Variants in MTMR7 observed in about 807,000 individuals in gnomAD.
MTMR7 encodes the protein myotubularin related protein 7, also known as phosphatidylinositol-3-phosphate phosphatase MTMR7.
In MTMR7, 76 loss-of-function variants were observed where a neutral mutation model predicts 81.2. The observed-to-expected ratio is 0.94, with a 90% confidence interval of 0.78 to 1.13. The LOEUF (loss-of-function observed/expected upper bound fraction) is 1.13, where lower values mean the gene tolerates loss of function less well. Ranked by LOEUF, MTMR7 falls within the 50% of genes most tolerant of loss-of-function variation. MTMR7 has a pLI of 0.00. For synonymous variants in MTMR7, 372 were observed against 289.8 expected, an observed-to-expected ratio of 1.28 and a Z score of -2.88; for missense variants, 1,044 against 820.0, an observed-to-expected ratio of 1.27 and a Z score of -3.34.
intron 5 of MTMR7, among the ~76,000 whole-genome samples, chr8:17,342,965 G>A (rs1307953030): frequency 6.6e-6 from 1 of 151,996 alleles, no homozygotes; most frequent in African/African-American, 2.4e-5. Context: ...CAAGCAGAAG[G>A]CAAGCTATGT....
chr8:17,395,371 T>C (rs528014375), intron 1 of MTMR7, among the ~76,000 whole-genome samples: 6 of 152,340 alleles, frequency 3.9e-5, no homozygotes, highest in East Asian at 1.9e-4. Context: ...ATAATGCAGC[T>C]ATGAACATGG....
chr8:17,304,239 T>G, intron 12 of MTMR7, 140 bp downstream of exon 12: 1 of 869,330 alleles, frequency 1.2e-6, no homozygotes, highest in East Asian at 2.7e-5. Flanking sequence ...AGATCAGATA[T>G]TCAAGCATCT....
chr8:17,408,929 C>G (rs1012278900), intron 1 of MTMR7, among the ~76,000 whole-genome samples: 8 of 152,052 alleles, frequency 5.3e-5, no homozygotes, highest in Non-Finnish European at 1.2e-4. Context: ...TATACTAAAA[C>G]CACTGAATTG....
At chr8:17,412,397 T>C (rs911767509) in intron 1 of MTMR7, among the ~76,000 whole-genome samples, 1 of 152,162 alleles carries the variant, frequency 6.6e-6, no homozygotes, top group Admixed American at 6.5e-5. Context: ...GGAGCTGTGG[T>C]GGTAGTAACA....
intron 1 of MTMR7, among the ~76,000 whole-genome samples, chr8:17,402,092 A>T (rs1821444012): frequency 1.3e-5 from 2 of 152,152 alleles, no homozygotes; most frequent in African/African-American, 2.4e-5. Context: ...AATTATTTTT[A>T]AAAATTTTTT....
At chr8:17,365,547 C>A (rs999463846) in intron 3 of MTMR7, among the ~76,000 whole-genome samples, 5 of 152,140 alleles carry the variant, frequency 3.3e-5, no homozygotes, top group African/African-American at 9.7e-5. Flanking sequence ...GCATATCCAA[C>A]TAAAACATCT....
At position 17,298,659 on chromosome 8, in the gene MTMR7, A is replaced by G. The variant is rs1010217188; in HGVS notation, c.*1203T>C. 2 of 152,566 alleles carry G rather than the reference A, an allele frequency of 1.3e-5. No homozygotes were observed. The highest frequency in any genetic ancestry group is 2.9e-5 in the Non-Finnish European group (2 of 67,994). The allele number at this position is 152,566 out of a possible 1,614,324, so 9.5% of individuals were successfully genotyped here. ...AAGTTTAATCCTTTTACATTCTAGA[A>G]TGTACTAATATATTAAAACCATACA... On this transcript the variant is annotated 3_prime_UTR_variant, in exon 14 of 14. Coordinates refer to ENST00000180173, the MANE Select transcript of MTMR7 (RefSeq NM_004686.5).
rs1433190470 is a variant in MTMR7, at chr8:17,304,400, GT to G, written c.1471del (p.Thr491HisfsTer31). ...ATACTTGTACATGAAGTTACATGGT[GT>G]TGTAGGGAGATGAAGGGTTCCCTGA... ...QTQGTLHLPT[T>X]PCNFMYKFWS... is the part of the protein sequence containing the mutation. On this transcript the variant is annotated frameshift_variant, in exon 12 of 14. Coordinates refer to ENST00000180173, the MANE Select transcript of MTMR7 (RefSeq NM_004686.5). LOFTEE classifies it high-confidence loss of function. The G allele has an allele frequency of 6.2e-7, 1 of 1,613,806 alleles. No homozygotes were observed. Among genetic ancestry groups the G allele is most frequent in the Admixed American group, 1.7e-5 (1 of 60,006 alleles).
At chr8:17,396,827 G>A (rs1821267324) in intron 1 of MTMR7, among the ~76,000 whole-genome samples, 1 of 151,722 alleles carries the variant, frequency 6.6e-6, no homozygotes. Flanking sequence ...TTCTGCTTGA[G>A]GAGAGGAGAG....
chr8:17,367,718 C>T (rs1018472878), intron 3 of MTMR7, among the ~76,000 whole-genome samples: 12 of 152,118 alleles, frequency 7.9e-5, no homozygotes, highest in Non-Finnish European at 1.5e-4. Context: ...TTTAAGTTGC[C>T]TGAATTCAGC....
intron 1 of MTMR7, among the ~76,000 whole-genome samples, chr8:17,386,556 G>A (rs189103503): frequency 1.3e-3 from 202 of 152,316 alleles, no homozygotes; most frequent in African/African-American, 4.6e-3. Context: ...GCTGGCTTCA[G>A]AAGGGGAGAT....
intron 6 of MTMR7, among the ~76,000 whole-genome samples, chr8:17,339,971 G>C (rs1819356981): frequency 6.6e-6 from 1 of 152,148 alleles, no homozygotes; most frequent in Non-Finnish European, 1.5e-5. Context: ...TTGTTTTTGA[G>C]ATGGAGTTTC....
At chr8:17,379,496 A>G (rs183449157) in intron 1 of MTMR7, among the ~76,000 whole-genome samples, 1 of 152,308 alleles carries the variant, frequency 6.6e-6, no homozygotes, top group African/African-American at 2.4e-5. Flanking sequence ...ATTAGGCCGG[A>G]TTGAGAAATA....
chr8:17,345,861 A>G (rs1432980164), intron 5 of MTMR7, among the ~76,000 whole-genome samples: 2 of 152,224 alleles, frequency 1.3e-5, no homozygotes, highest in Non-Finnish European at 2.9e-5. Flanking sequence ...CTTTGGTAGC[A>G]TACGTGGGAA....
At chr8:17,300,866 A>G (rs941164988) in intron 13 of MTMR7, among the ~76,000 whole-genome samples, 10 of 152,264 alleles carry the variant, frequency 6.6e-5, no homozygotes, top group African/African-American at 9.6e-5. Context: ...GAATGGAATC[A>G]TACAACATGT....
intron 4 of MTMR7, among the ~76,000 whole-genome samples, chr8:17,357,452 C>T (rs897161962): frequency 1.5e-4 from 23 of 152,182 alleles, no homozygotes; most frequent in Admixed American, 7.2e-4. Flanking sequence ...AGTATAAAAA[C>T]ATGCAAAACA....
chr8:17,352,969 G>A (rs1357508293), intron 4 of MTMR7, among the ~76,000 whole-genome samples: 1 of 152,134 alleles, frequency 6.6e-6, no homozygotes, highest in African/African-American at 2.4e-5. Context: ...GGACTTGAAA[G>A]CAGAATCTCC....
At chr8:17,398,507 G>C (rs1306797322) in intron 1 of MTMR7, among the ~76,000 whole-genome samples, 1 of 150,974 alleles carries the variant, frequency 6.6e-6, no homozygotes, top group Non-Finnish European at 1.5e-5. Context: ...CACAGTCAGA[G>C]GGGACAAAAC....
At position 17,335,018 on chromosome 8, in the gene MTMR7, C is replaced by G. The variant is rs1586211813; in HGVS notation, c.733-3736G>C. ...AAGGCTAGAAAGCACTGAGGGTCCA[C>G]TACAACAGGCCCAGCCAAGGAACTG... is the stretch of plus-strand genomic sequence containing the variant. On this transcript the variant is annotated intron_variant, in intron 6 of 13. Transcript: ENST00000180173. Among the ~76,000 whole-genome samples the G allele has an allele frequency of 2.0e-5, 3 of 152,302 alleles. No individual in the cohort carries two copies. In the South Asian group the frequency reaches 6.2e-4, roughly 32 times the overall value.
Sources: allele counts gnomAD v4.1 joint callset (sites outside exome capture counted in the v4.1 genomes callset), GRCh38; gene constraint gnomAD v4.1.1; transcripts MANE v1.5; gene names NCBI Gene and HGNC (gene_info 2026-07-23, HGNC 2026-07-21).